Variants in FAM47E observed in about 807,000 individuals in gnomAD.
The protein encoded by FAM47E is family with sequence similarity 47 member E.
A neutral mutation model predicts 41.6 loss-of-function variants in FAM47E; 32 were observed. The observed-to-expected ratio is 0.77, with a 90% CI of 0.58 to 1.03. The LOEUF (loss-of-function observed/expected upper bound fraction) is 1.03, where lower values mean the gene tolerates loss of function less well. Among genes scored for constraint, FAM47E ranks in the 50% least tolerant of loss-of-function variants. FAM47E has a pLI of 0.00. For missense variants in FAM47E, 424 were observed against 485.4 expected, an observed-to-expected ratio of 0.87 and a Z score of 1.19; for synonymous variants, 184 against 188.7, an observed-to-expected ratio of 0.98 and a Z score of 0.20.
At chr4:76,232,380 C>T (rs1354220805) in intron 2 of FAM47E, among the ~76,000 whole-genome samples, 1 of 151,988 alleles carries the variant, frequency 6.6e-6, no homozygotes, top group Non-Finnish European at 1.5e-5. Context: ...TATTTGAGAG[C>T]ACCTGTTACA....
At chr4:76,222,471 A>G (rs1247103617) in intron 2 of FAM47E, among the ~76,000 whole-genome samples, 5 of 152,086 alleles carry the variant, frequency 3.3e-5, no homozygotes, top group Admixed American at 1.3e-4. Flanking sequence ...CAGGTGATCC[A>G]CCTGCCTCGG....
chr4:76,278,836 T>G (rs925855516), intron 6 of FAM47E: 1 of 152,282 alleles, frequency 6.6e-6, no homozygotes, highest in Admixed American at 6.5e-5. Flanking sequence ...AAGAAGATAC[T>G]CATTATGGCC....
chr4:76,233,863 G>C (rs975906028), intron 2 of FAM47E, among the ~76,000 whole-genome samples: 19 of 116,180 alleles, frequency 1.6e-4, no homozygotes, highest in African/African-American at 5.1e-4. Context: ...TAGTTGGTTG[G>C]GGGGGGCTTG....
chr4:76,278,083 A>G lies in FAM47E; in HGVS notation c.885A>G (p.Pro295=), dbSNP rs748323670. Reference sequence around the variant, plus strand: ...ACTTTCCACAGAATCCTTATAAGCCAAAGTGGGTGAAGATGAGGTATGGAG... The same window carrying G: ...ACTTTCCACAGAATCCTTATAAGCCGAAGTGGGTGAAGATGAGGTATGGAG... ...KLQKPQNPYK[P]KWVKMRYGAW... Residue 295 remains proline, a synonymous_variant, in exon 6 of 8, where the codon CCA becomes CCG. Coordinates refer to ENST00000424749, the MANE Select transcript of FAM47E (RefSeq NM_001136570.3). 2 of 1,518,730 alleles carry G rather than the reference A, an allele frequency of 1.3e-6. No homozygotes were observed. The highest frequency in any genetic ancestry group is 8.8e-7 in the Non-Finnish European group (1 of 1,137,582). The allele number at this position is 1,518,730 out of a possible 1,614,324, so 94.1% of individuals were successfully genotyped here.
At chr4:76,232,902 C>CA (rs1243136495) in intron 2 of FAM47E, among the ~76,000 whole-genome samples, 2 of 152,066 alleles carry the variant, frequency 1.3e-5, no homozygotes, top group Non-Finnish European at 2.9e-5. Flanking sequence ...TTTAAAGCAG[C>CA]AAAAACCTTT....
intron 5 of FAM47E, among the ~76,000 whole-genome samples, chr4:76,276,500 G>A (rs1735122678): frequency 6.6e-6 from 1 of 152,150 alleles, no homozygotes; most frequent in African/African-American, 2.4e-5. Context: ...AGCCTCCCGA[G>A]TAGCTGGGAC....
chr4:76,280,438 T>A, intron 7 of FAM47E, 97 bp downstream of exon 7: 1 of 665,384 alleles, frequency 1.5e-6, no homozygotes, highest in Non-Finnish European at 2.6e-6. Flanking sequence ...CCCAAATAGT[T>A]CTCTTACAGG....
chr4:76,275,587 G>A (rs960503835), intron 5 of FAM47E, among the ~76,000 whole-genome samples: 1 of 152,146 alleles, frequency 6.6e-6, no homozygotes, highest in Non-Finnish European at 1.5e-5. Flanking sequence ...GGGGTCAACA[G>A]GTAAATGATT....
Position 76,221,837 on chromosome 4 carries a change from G to A in FAM47E, c.81+4149G>A, listed in dbSNP as rs558156734. ...CACTACCTGGGTGACAGGATCCTTC[G>A]CACACCAAACCTCAGCGACACCCAG... On this transcript the variant is annotated intron_variant, in intron 2 of 7. Coordinates refer to the FAM47E transcript ENST00000510197. 2.6e-4 allele frequency among the ~76,000 whole-genome samples: 39 copies of A among 152,202 alleles called. No individual in the cohort carries two copies. In the South Asian group the frequency reaches 8.1e-3, roughly 32 times the overall value.
At chr4:76,267,380 G>A (rs1734684390) in intron 3 of FAM47E, 1 of 152,246 alleles carries the variant, frequency 6.6e-6, no homozygotes, top group South Asian at 2.1e-4. Context: ...CTCAAGCAAA[G>A]GCCCAATGGC....
chr4:76,231,664 G>A (rs7665133), intron 2 of FAM47E, among the ~76,000 whole-genome samples: 63 of 152,314 alleles, frequency 4.1e-4, no homozygotes, highest in African/African-American at 1.5e-3. Context: ...GATTGGCTTC[G>A]ATGGAAGTTT....
chr4:76,281,180 C>G (rs1735331598), intron 7 of FAM47E: 1 of 152,210 alleles, frequency 6.6e-6, no homozygotes, highest in South Asian at 2.1e-4. Flanking sequence ...CTGAGATGGT[C>G]AGAAGTTTCT....
chr4:76,261,868 A>G (rs1372799946), intron 2 of FAM47E, among the ~76,000 whole-genome samples: 1 of 152,224 alleles, frequency 6.6e-6, no homozygotes, highest in African/African-American at 2.4e-5. Context: ...AAGGAAAAAA[A>G]TAAACATGAA....
Position 76,251,771 on chromosome 4 carries a change from C to T in FAM47E, c.25C>T (p.Arg9Trp), listed in dbSNP as rs1342604061. 3.5e-5 allele frequency: 52 copies of T among 1,487,318 alleles called. No individual in the cohort carries two copies. The highest frequency in any genetic ancestry group is 4.6e-5 in the Non-Finnish European group (52 of 1,124,990). 92.1% of individuals were successfully genotyped at this position (1,487,318 alleles called of 1,614,324 possible). Residue 9 changes from arginine (R) to tryptophan (W), a missense_variant, in exon 1 of 8, where the codon CGG becomes TGG. By Grantham distance (101) the Arg-to-Trp change is moderately radical. Transcript: ENST00000424749. The stretch of plus-strand genomic sequence containing the variant: ...CATGGCGGACCGCAGGCGGCGGCTC[C>T]GGCCGGGGACGTTGGCCCCGGTGCG... The part of the protein sequence containing the change: MADRRRRL[R>W]PGTLAPVREG...
chr4:76,232,038 A>G (rs987140761), intron 2 of FAM47E, among the ~76,000 whole-genome samples: 12 of 152,248 alleles, frequency 7.9e-5, no homozygotes, highest in Admixed American at 5.2e-4. Context: ...CTATATTGCC[A>G]TAAGTTATGA....
intron 2 of FAM47E, among the ~76,000 whole-genome samples, chr4:76,238,463 G>C (rs1245586459): frequency 3.3e-5 from 5 of 152,180 alleles, no homozygotes. Context: ...TGGTGAGTTT[G>C]TTTCCTCATA....
At chr4:76,277,701 A>G (rs1413814273) in intron 5 of FAM47E, among the ~76,000 whole-genome samples, 2 of 152,172 alleles carry the variant, frequency 1.3e-5, no homozygotes, top group Admixed American at 6.5e-5. Flanking sequence ...TGCTTTACAT[A>G]CATTCTCTCC....
chr4:76,270,065 T>A (rs1369887903), intron 4 of FAM47E, among the ~76,000 whole-genome samples: 1 of 152,156 alleles, frequency 6.6e-6, no homozygotes, highest in African/African-American at 2.4e-5. Context: ...ATAATTCAGA[T>A]TGGTTTAAGA....
intron 4 of FAM47E, among the ~76,000 whole-genome samples, chr4:76,270,225 C>A (rs1393524926): frequency 6.6e-6 from 1 of 152,122 alleles, no homozygotes; most frequent in African/African-American, 2.4e-5. Context: ...GCAAAAGTAG[C>A]CACTAAAATT....
Sources: gnomAD v4.1 joint callset for allele counts (sites outside exome capture counted in the v4.1 genomes callset) on GRCh38, gnomAD v4.1.1 for gene constraint, MANE v1.5 for transcripts, NCBI Gene and HGNC (gene_info 2026-07-23, HGNC 2026-07-21) for gene names.